Variants in F13A1 observed in about 807,000 individuals in gnomAD.
The protein encoded by F13A1 is coagulation factor XIII A chain, also known as FSF, A subunit.
Under a neutral mutation model 80.1 loss-of-function variants are expected in F13A1, and 47 were observed. The ratio of observed to expected loss-of-function variants is 0.59; its 90% confidence interval spans 0.46 to 0.75. The LOEUF is 0.75. Ranked by LOEUF, F13A1 falls within the 30% of genes least tolerant of loss-of-function variation. The pLI is 0.00. For missense variants in F13A1, 817 were observed against 930.4 expected, an observed-to-expected ratio of 0.88 and a Z score of 1.59; for synonymous variants, 349 against 344.9, an observed-to-expected ratio of 1.01 and a Z score of -0.13.
intron 3 of F13A1, among the ~76,000 whole-genome samples, chr6:6,282,047 G>A (rs1758074699): frequency 6.6e-6 from 1 of 151,544 alleles, no homozygotes; most frequent in Non-Finnish European, 1.5e-5. Flanking sequence ...TGAATCAGGG[G>A]TCACCATAGG....
In F13A1 at chr6:6,248,349, C is replaced by T; in HGVS notation, c.761G>A (p.Gly254Glu). The T allele has an allele frequency of 6.2e-7, 1 of 1,613,854 alleles. No homozygotes were observed. Among genetic ancestry groups the T allele is most frequent in the East Asian group, 2.2e-5 (1 of 44,862 alleles). The change falls in exon 6 of 15, where the codon GGG (glycine) becomes GAG (glutamate). Residue 254 changes from glycine to glutamate, a missense_variant. Physicochemically the swap from Gly to Glu is moderately conservative, Grantham distance 98. Coordinates refer to ENST00000264870, the MANE Select transcript of F13A1 (RefSeq NM_000129.4). ...DRAQMDLSGR[G>E]NPIKVSRVGS... ...CACACGGCTGACTTTGATGGGATTC[C>T]CTCTTCCAGAGAGGTCCATTTGTGC...
intron 6 of F13A1, among the ~76,000 whole-genome samples, chr6:6,245,504 G>A (rs991597044): frequency 5.3e-5 from 8 of 152,192 alleles, no homozygotes; most frequent in East Asian, 3.8e-4. Context: ...GATTACAGGC[G>A]TGAGCCACCG....
intron 3 of F13A1, among the ~76,000 whole-genome samples, chr6:6,273,244 T>C (rs373785446): frequency 6.6e-6 from 1 of 152,206 alleles, no homozygotes; most frequent in South Asian, 2.1e-4. Context: ...TTGTCTAATA[T>C]GTCTGTATAG....
At chr6:6,201,938 CAT>C (rs986742009) in intron 8 of F13A1, among the ~76,000 whole-genome samples, 4 of 152,008 alleles carry the variant, frequency 2.6e-5, no homozygotes, top group Non-Finnish European at 4.4e-5. Flanking sequence ...CTTCCTTTAG[CAT>C]ATCTTTAATT....
chr6:6,161,938 T>TAGAATTGTTCCAGTATTGTTCC (rs1561639306), intron 13 of F13A1, among the ~76,000 whole-genome samples: 1 of 152,198 alleles, frequency 6.6e-6, no homozygotes, highest in African/African-American at 2.4e-5. Flanking sequence ...CAGATTGGCC[T>TAGAATTGTTCCAGTATTGTTCC]AGATTTGATC....
intron 3 of F13A1, among the ~76,000 whole-genome samples, chr6:6,287,700 G>C (rs1291299497): frequency 6.6e-6 from 1 of 152,232 alleles, no homozygotes; most frequent in Non-Finnish European, 1.5e-5. Flanking sequence ...GCAGGGCTGA[G>C]GAAGCACATG....
intron 13 of F13A1, among the ~76,000 whole-genome samples, chr6:6,159,480 G>C (rs1437254519): frequency 6.6e-6 from 1 of 152,204 alleles, no homozygotes; most frequent in African/African-American, 2.4e-5. Flanking sequence ...CATGGGGCTG[G>C]AGCCAGGATG....
intron 8 of F13A1, among the ~76,000 whole-genome samples, chr6:6,211,233 G>C (rs1334944623): frequency 1.3e-5 from 2 of 152,186 alleles, no homozygotes; most frequent in African/African-American, 4.8e-5. Context: ...AAGTATTTTT[G>C]TGAACATGAG....
intron 4 of F13A1, among the ~76,000 whole-genome samples, chr6:6,263,627 C>A (rs1322279126): frequency 6.6e-6 from 1 of 152,234 alleles, no homozygotes; most frequent in Non-Finnish European, 1.5e-5. Flanking sequence ...CAAGTGCTTA[C>A]TTGACGTTTT....
rs548554822 is a variant in F13A1 at position 6,316,088 on chromosome 6, T to C, written c.130+2447A>G. On this transcript the variant is annotated intron_variant, in intron 2 of 14. Coordinates refer to ENST00000264870, the MANE Select transcript of F13A1 (RefSeq NM_000129.4). The stretch of plus-strand genomic sequence containing the variant: ...TGCTATGTGTGTGTGCATATATATA[T>C]ATATATATATATATATATATATATA... Among the ~76,000 whole-genome samples the C allele has an allele frequency of 7.5e-3, 79 of 10,526 alleles. 4 individuals carry two copies. Among genetic ancestry groups the C allele is most frequent in the African/African-American group, 0.025 (44 of 1,794 alleles). 6.9% of individuals were successfully genotyped at this position (10,526 alleles called of 152,430 possible).
intron 8 of F13A1, among the ~76,000 whole-genome samples, chr6:6,197,820 C>T (rs1000416776): frequency 3.9e-5 from 6 of 152,134 alleles, no homozygotes; most frequent in African/African-American, 1.4e-4. Flanking sequence ...TCATTGGCAT[C>T]CCTCAGGACA....
intron 10 of F13A1, among the ~76,000 whole-genome samples, chr6:6,188,480 A>C (rs867507752): frequency 1.9e-4 from 26 of 137,274 alleles, no homozygotes; most frequent in African/African-American, 4.7e-4. Flanking sequence ...TTCGTTATGT[A>C]CCCAGTAGTC....
intron 6 of F13A1, among the ~76,000 whole-genome samples, chr6:6,229,827 A>G (rs1583083412): frequency 6.6e-6 from 1 of 152,192 alleles, no homozygotes; most frequent in South Asian, 2.1e-4. Flanking sequence ...ACAAACCTCC[A>G]CTGGAGAAGC....
At chr6:6,147,808 A>T (rs751229632) in intron 14 of F13A1, among the ~76,000 whole-genome samples, 1 of 152,272 alleles carries the variant, frequency 6.6e-6, no homozygotes, top group Non-Finnish European at 1.5e-5. Context: ...ATACGTATGC[A>T]TGCTATTTTA....
At chr6:6,265,456 G>T (rs1250558552) in intron 4 of F13A1, among the ~76,000 whole-genome samples, 2 of 152,188 alleles carry the variant, frequency 1.3e-5, no homozygotes, top group Admixed American at 6.5e-5. Context: ...TTCGTACAAA[G>T]TGTGGGAGCA....
chr6:6,155,277 G>A (rs959968017), intron 13 of F13A1, among the ~76,000 whole-genome samples: 3 of 152,080 alleles, frequency 2.0e-5, no homozygotes, highest in African/African-American at 4.8e-5. Flanking sequence ...CATGCAATTG[G>A]GCCATCATAG....
intron 2 of F13A1, among the ~76,000 whole-genome samples, chr6:6,309,789 G>A (rs182330892): frequency 1.5e-4 from 23 of 152,254 alleles, no homozygotes; most frequent in African/African-American, 5.5e-4. Context: ...CAGTGTTCTG[G>A]GTGAGGGGCC....
rs1758725139 is a variant in F13A1, at chr6:6,318,688, G to GGAA, written c.-18-7_-18-6insTTC. 1.3e-6 allele frequency: 2 copies of GGAA among 1,488,490 alleles called. No individual in the cohort carries two copies. The highest frequency in any genetic ancestry group is 4.8e-5 in the East Asian group (2 of 42,046). The allele number at this position is 1,488,490 out of a possible 1,614,324, so 92.2% of individuals were successfully genotyped here. A position where few individuals can be genotyped will look rare whatever the true frequency, so the allele number is the denominator to read the frequency against. On this transcript the variant is annotated splice_region_variant and splice_polypyrimidine_tract_variant and intron_variant, in intron 1 of 14. Transcript: ENST00000264870. ...ATTTTTGACTTTACAAGGTCCTTCA[G>GGAA]AAAAAAAAAAAAAAGAAGACAACAG...
intron 3 of F13A1, among the ~76,000 whole-genome samples, chr6:6,279,204 T>A (rs1308972258): frequency 6.6e-6 from 1 of 152,208 alleles, no homozygotes; most frequent in Non-Finnish European, 1.5e-5. Flanking sequence ...AAAGTTCATC[T>A]ACATGACCAT....
Sources: allele counts gnomAD v4.1 joint callset (sites outside exome capture counted in the v4.1 genomes callset), GRCh38; gene constraint gnomAD v4.1.1; transcripts MANE v1.5; gene names NCBI Gene and HGNC (gene_info 2026-07-23, HGNC 2026-07-21).